WIPF1: variants seen among roughly 807,000 people sequenced by gnomAD.
The protein encoded by WIPF1 is WAS/WASL interacting protein family member 1, also known as WAS/WASL-interacting protein family member 1.
WIPF1 carries 13 observed loss-of-function variants against 35.4 expected under a neutral mutation model. The ratio of observed to expected loss-of-function variants is 0.37; its 90% CI spans 0.24 to 0.58. The LOEUF (loss-of-function observed/expected upper bound fraction) is 0.58, where lower values mean the gene tolerates loss of function less well. WIPF1 is among the 20% of genes least tolerant of loss of function. The probability of loss-of-function intolerance (pLI) is 0.74; values close to 1 mark genes in which losing one functional copy is unlikely to be tolerated. For missense variants in WIPF1, 591 were observed against 667.0 expected, an observed-to-expected ratio of 0.89 and a Z score of 1.25; for synonymous variants, 267 against 266.3, an observed-to-expected ratio of 1.00 and a Z score of -0.02.
intron 3 of WIPF1, among the ~76,000 whole-genome samples, chr2:174,577,500 C>A (rs1034202329): frequency 1.4e-4 from 22 of 152,112 alleles, no homozygotes; most frequent in African/African-American, 5.3e-4. Context: ...AATATTCAGT[C>A]TGTGGATCCT....
intron 1 of WIPF1, among the ~76,000 whole-genome samples, chr2:174,682,621 GACGC>G (rs1688276926): frequency 6.6e-6 from 1 of 151,698 alleles, no homozygotes; most frequent in Non-Finnish European, 1.5e-5. Flanking sequence ...GCTCGCAGGG[GACGC>G]GGCCTCGACG....
rs147967996 is a variant in WIPF1 at position 174,682,433 on chromosome 2, G to C, written c.-39+341C>G. On this transcript the variant is annotated intron_variant, in intron 1 of 8. Transcript: ENST00000272746. Reference sequence around the variant, plus strand: ...CTGCTCGAGACCTACGGAGATAGTGGGTCCCGAGCCCCACGGGGCGGCCCC... The same window carrying C: ...CTGCTCGAGACCTACGGAGATAGTGCGTCCCGAGCCCCACGGGGCGGCCCC... Among the ~76,000 whole-genome samples, 762 of 152,316 alleles carry C rather than the reference G, an allele frequency of 5.0e-3. 3 individuals carry two copies. Among genetic ancestry groups the C allele is most frequent in the Middle Eastern group, 6.8e-3 (2 of 294 alleles).
intron 1 of WIPF1, among the ~76,000 whole-genome samples, chr2:174,596,715 CTG>C (rs1685832881): frequency 6.6e-6 from 1 of 152,088 alleles, no homozygotes; most frequent in East Asian, 1.9e-4. Flanking sequence ...TGATGAAACC[CTG>C]TCTCTACTAA....
intron 1 of WIPF1, among the ~76,000 whole-genome samples, chr2:174,617,931 T>G (rs6736521): frequency 6.6e-6 from 1 of 152,182 alleles, no homozygotes; most frequent in Non-Finnish European, 1.5e-5. Flanking sequence ...ATAAAGGCCT[T>G]TGAGGTTTCC....
intron 1 of WIPF1, among the ~76,000 whole-genome samples, chr2:174,611,397 TTGA>T (rs1230608207): frequency 6.6e-6 from 1 of 152,136 alleles, no homozygotes; most frequent in Non-Finnish European, 1.5e-5. Flanking sequence ...ACAAAAAAAC[TTGA>T]TGATATATTG....
At chr2:174,649,548 C>T (rs1687488271) in intron 1 of WIPF1, among the ~76,000 whole-genome samples, 1 of 152,134 alleles carries the variant, frequency 6.6e-6, no homozygotes, top group African/African-American at 2.4e-5. Context: ...AAACTGTTTT[C>T]ATCCTGCCCT....
intron 1 of WIPF1, among the ~76,000 whole-genome samples, chr2:174,624,781 A>C (rs1204537368): frequency 6.6e-6 from 1 of 152,092 alleles, no homozygotes; most frequent in Admixed American, 6.5e-5. Context: ...CAATTCGCCA[A>C]CTGGTTTTTA....
rs1025948580 is a variant in WIPF1, at chr2:174,571,268, T to C, written c.1129+408A>G. ...AGAAGTTCATTAGCTCTTGAAGAAC[T>C]TCCCCTCTTGTTGGAATAACAGAGC... On this transcript the variant is annotated intron_variant, in intron 5 of 7. Coordinates refer to ENST00000679041, the MANE Select transcript of WIPF1 (RefSeq NM_001375834.1). The surrounding 1 kb of genome is among the most constrained non-coding windows in gnomAD (Gnocchi z 4.6). The C allele has an allele frequency of 5.0e-6, 2 of 403,162 alleles. No homozygotes were observed. The highest frequency in any genetic ancestry group is 8.9e-6 in the Non-Finnish European group (2 of 224,752). 25.0% of individuals were successfully genotyped at this position (403,162 alleles called of 1,614,324 possible).
At chr2:174,657,649 T>C (rs1302195760) in intron 1 of WIPF1, among the ~76,000 whole-genome samples, 2 of 152,088 alleles carry the variant, frequency 1.3e-5, no homozygotes, top group Non-Finnish European at 2.9e-5. Flanking sequence ...TCCTGGCACT[T>C]TGGGAGGCCA....
At chr2:174,610,710 T>C (rs1234326291) in intron 1 of WIPF1, among the ~76,000 whole-genome samples, 1 of 152,172 alleles carries the variant, frequency 6.6e-6, no homozygotes, top group Non-Finnish European at 1.5e-5. Flanking sequence ...GCAAGTTAAG[T>C]AGTGGTCTGG....
chr2:174,635,525 G>GTTT lies in WIPF1; in HGVS notation c.-39+47246_-39+47248dup, dbSNP rs1179795195. ...CTTGTTCTACTCACTGGTGCCTTCT[G>GTTT]TTTGTTTTTTTTTTTTTTTTTTTTT... On this transcript the variant is annotated intron_variant, in intron 1 of 8. Transcript: ENST00000272746. 4.1e-3 allele frequency among the ~76,000 whole-genome samples: 521 copies of GTTT among 125,872 alleles called. 18 individuals carry two copies. Among genetic ancestry groups the GTTT allele is most frequent in the African/African-American group, 9.3e-3 (294 of 31,634 alleles). 82.6% of individuals were successfully genotyped at this position (125,872 alleles called of 152,430 possible).
intron 1 of WIPF1, among the ~76,000 whole-genome samples, chr2:174,668,282 A>C (rs1417676782): frequency 6.6e-6 from 1 of 152,214 alleles, no homozygotes; most frequent in African/African-American, 2.4e-5. Flanking sequence ...CATTAGCCTT[A>C]GGCAAGCTAC....
At chr2:174,598,915 T>C (rs961602943), upstream of WIPF1, among the ~76,000 whole-genome samples, 1 of 152,212 alleles carries the variant, frequency 6.6e-6, no homozygotes, top group Non-Finnish European at 1.5e-5. Flanking sequence ...AAAATGCTCA[T>C]AATTTTTTCT....
At chr2:174,651,892 G>A (rs1283976917) in intron 1 of WIPF1, among the ~76,000 whole-genome samples, 2 of 152,192 alleles carry the variant, frequency 1.3e-5, no homozygotes, top group Non-Finnish European at 2.9e-5. Context: ...TGAACTGGGG[G>A]CTAGAACACT....
chr2:174,589,689 A>C (rs1685545001), intron 1 of WIPF1, among the ~76,000 whole-genome samples: 1 of 152,232 alleles, frequency 6.6e-6, no homozygotes, highest in Non-Finnish European at 1.5e-5. Context: ...ATTTCCTTTG[A>C]TTATGAATGC....
chr2:174,648,758 T>C (rs1001966249), intron 1 of WIPF1, among the ~76,000 whole-genome samples: 2 of 152,170 alleles, frequency 1.3e-5, no homozygotes, highest in Admixed American at 1.3e-4. Context: ...AATGTACAAT[T>C]AGATGCAAGA....
chr2:174,574,683 C>G, intron 4 of WIPF1: 1 of 588,600 alleles, frequency 1.7e-6, no homozygotes, highest in South Asian at 2.2e-5. Flanking sequence ...CCATGGCTCC[C>G]TGCAGAGACT....
intron 1 of WIPF1, among the ~76,000 whole-genome samples, chr2:174,641,069 G>T (rs867724573): frequency 2.2e-4 from 34 of 152,080 alleles, no homozygotes; most frequent in African/African-American, 7.2e-4. Flanking sequence ...CAATAGAACA[G>T]AATAGAGCCC....
At chr2:174,658,857 T>C (rs1251734459) in intron 1 of WIPF1, among the ~76,000 whole-genome samples, 2 of 151,398 alleles carry the variant, frequency 1.3e-5, no homozygotes, top group Non-Finnish European at 2.9e-5. Context: ...AAATGAAAAC[T>C]ATGGGAATAG....
Sources: allele counts gnomAD v4.1 joint callset (sites outside exome capture counted in the v4.1 genomes callset), GRCh38; gene constraint gnomAD v4.1.1; non-coding constraint Gnocchi (gnomAD v3.1); transcripts MANE v1.5; gene names NCBI Gene and HGNC (gene_info 2026-07-23, HGNC 2026-07-21).